Variants in EDIL3 observed in about 807,000 individuals in gnomAD.
EDIL3 encodes EGF like and discoidin domains 3, also known as EGF-like repeat and discoidin I-like domain-containing protein 3.
Under a neutral mutation model 67.4 loss-of-function variants are expected in EDIL3, and 37 were observed. The ratio of observed to expected loss-of-function variants is 0.55; its 90% CI spans 0.42 to 0.72. The LOEUF is 0.72. Among genes scored for constraint, EDIL3 ranks in the 30% least tolerant of loss-of-function variants. EDIL3 has a pLI of 0.00. For synonymous variants in EDIL3, 195 were observed against 196.3 expected (o/e 0.99, Z 0.05); for missense variants, 527 against 586.3 (o/e 0.90, Z 1.04).
intron 1 of EDIL3, among the ~76,000 whole-genome samples, chr5:84,332,803 A>G (rs1349120322): frequency 6.6e-6 from 1 of 152,332 alleles, no homozygotes; most frequent in Non-Finnish European, 1.5e-5. Context: ...AGCTGGAACT[A>G]TAATTAAAGA....
intron 3 of EDIL3, among the ~76,000 whole-genome samples, chr5:84,217,311 G>C (rs2112395957): frequency 6.6e-6 from 1 of 152,232 alleles, no homozygotes; most frequent in South Asian, 2.1e-4. Context: ...CTCTGAAATA[G>C]GTTCTTTGGT....
intron 6 of EDIL3, among the ~76,000 whole-genome samples, chr5:84,093,618 T>C (rs927812354): frequency 1.3e-5 from 2 of 150,072 alleles, no homozygotes; most frequent in Non-Finnish European, 3.0e-5. Context: ...CACTGGGTAC[T>C]CAAAGTGGGA....
chr5:84,147,627 T>C (rs1185581747), intron 4 of EDIL3, among the ~76,000 whole-genome samples: 1 of 152,102 alleles, frequency 6.6e-6, no homozygotes, highest in Non-Finnish European at 1.5e-5. Flanking sequence ...AATAAATCTT[T>C]TTAAGATACG....
intron 1 of EDIL3, among the ~76,000 whole-genome samples, chr5:84,352,705 G>A (rs994235229): frequency 6.6e-6 from 1 of 152,060 alleles, no homozygotes; most frequent in Non-Finnish European, 1.5e-5. Flanking sequence ...CATTATTCAA[G>A]TGATAGGTGC....
chr5:84,074,076 T>TAA, intron 6 of EDIL3, among the ~76,000 whole-genome samples: 1 of 152,046 alleles, frequency 6.6e-6, no homozygotes, highest in East Asian at 1.9e-4. Context: ...TTGACAAACC[T>TAA]GAGAAAAACA....
intron 10 of EDIL3, among the ~76,000 whole-genome samples, chr5:83,954,302 G>A (rs1158110099): frequency 6.6e-6 from 1 of 151,574 alleles, no homozygotes; most frequent in African/African-American, 2.4e-5. Flanking sequence ...TTGGATATTT[G>A]TCCCCTCCAA....
chr5:84,349,723 T>C (rs1425177651), intron 1 of EDIL3, among the ~76,000 whole-genome samples: 1 of 152,124 alleles, frequency 6.6e-6, no homozygotes, highest in Non-Finnish European at 1.5e-5. Context: ...TGTCAGTAAA[T>C]ACAGCTCACA....
At chr5:84,038,727 T>G (rs193276609) in intron 9 of EDIL3, among the ~76,000 whole-genome samples, 1 of 152,286 alleles carries the variant, frequency 6.6e-6, no homozygotes, top group East Asian at 1.9e-4. Flanking sequence ...GGTCTAGGTG[T>G]TTTTTGGAAT....
At chr5:84,330,858 G>A (rs1201507920) in intron 1 of EDIL3, among the ~76,000 whole-genome samples, 2 of 152,134 alleles carry the variant, frequency 1.3e-5, no homozygotes, top group Non-Finnish European at 2.9e-5. Flanking sequence ...TTAGGAAAGG[G>A]TTGGCACTCC....
At chr5:84,286,673 A>T (rs1473505180) in intron 1 of EDIL3, among the ~76,000 whole-genome samples, 1 of 152,194 alleles carries the variant, frequency 6.6e-6, no homozygotes, top group Non-Finnish European at 1.5e-5. Flanking sequence ...ATTAGGTAAA[A>T]TGGGGCAATA....
intron 1 of EDIL3, among the ~76,000 whole-genome samples, chr5:84,342,482 C>T (rs1490775079): frequency 6.6e-6 from 1 of 151,948 alleles, no homozygotes; most frequent in Admixed American, 6.6e-5. Context: ...CATTATTCCA[C>T]TGATGGATAC....
chr5:84,357,014 T>G (rs1366191483), intron 1 of EDIL3, among the ~76,000 whole-genome samples: 4 of 144,152 alleles, frequency 2.8e-5, no homozygotes, highest in African/African-American at 1.0e-4. Flanking sequence ...AACCTCTGCC[T>G]CCCAGGTTCA....
At chr5:83,957,312 A>C (rs76308649) in intron 10 of EDIL3, among the ~76,000 whole-genome samples, 5,985 of 151,672 alleles carry the variant, frequency 0.039, 310 homozygotes, top group African/African-American at 0.11. Flanking sequence ...TGCCACTGAC[A>C]ATTCCATTTT....
intron 1 of EDIL3, among the ~76,000 whole-genome samples, chr5:84,348,918 T>C (rs1287497532): frequency 2.0e-5 from 3 of 152,236 alleles, no homozygotes; most frequent in African/African-American, 7.2e-5. Flanking sequence ...AATTACCTCT[T>C]GGATTATGGA....
At chr5:84,340,404 G>T (rs954812975) in intron 1 of EDIL3, among the ~76,000 whole-genome samples, 8 of 150,408 alleles carry the variant, frequency 5.3e-5, no homozygotes, top group Non-Finnish European at 1.2e-4. Flanking sequence ...AGGATATGAG[G>T]TTTAAATTAG....
chr5:84,087,861 AAAT>A (rs1428114142), intron 6 of EDIL3, among the ~76,000 whole-genome samples: 4 of 152,206 alleles, frequency 2.6e-5, no homozygotes, highest in African/African-American at 7.2e-5. Context: ...GGCACATGGG[AAAT>A]AATAAATATA....
At chr5:84,281,130 T>A (rs540183491) in intron 1 of EDIL3, among the ~76,000 whole-genome samples, 1 of 152,264 alleles carries the variant, frequency 6.6e-6, no homozygotes, top group East Asian at 1.9e-4. Flanking sequence ...ATTTAAGGAA[T>A]CTTATAAGTT....
chr5:84,276,747 T>TA (rs1745590100), intron 1 of EDIL3, among the ~76,000 whole-genome samples: 1 of 151,912 alleles, frequency 6.6e-6, no homozygotes. Context: ...TTTTTTTTTT[T>TA]ATTTTTAGTA....
rs1444266498 is a variant in EDIL3, at chr5:84,262,650, G to C, written c.68-8438C>G. 6.9e-5 allele frequency among the ~76,000 whole-genome samples: 6 copies of C among 86,716 alleles called. 1 individual carries two copies. The Admixed American group carries it at 8.7e-4, about 13-fold the overall frequency. The allele number at this position is 86,716 out of a possible 152,430, so 56.9% of individuals were successfully genotyped here. A position where few individuals can be genotyped will look rare whatever the true frequency, so the allele number is the denominator to read the frequency against. On this transcript the variant is annotated intron_variant, in intron 1 of 10. Coordinates refer to ENST00000296591, the MANE Select transcript of EDIL3 (RefSeq NM_005711.5). ...TTCAACCATAAACTACAATTCCCAAGGTTGGTTGGTTTTTTTTTTTTTTTT... is the reference window on the plus strand; with the variant it reads ...TTCAACCATAAACTACAATTCCCAACGTTGGTTGGTTTTTTTTTTTTTTTT...
Sources: allele counts gnomAD v4.1 joint callset (sites outside exome capture counted in the v4.1 genomes callset), GRCh38; gene constraint gnomAD v4.1.1; transcripts MANE v1.5; gene names NCBI Gene and HGNC (gene_info 2026-07-23, HGNC 2026-07-21).